The following C1QTNF3 variants were observed in gnomAD, a reference collection of about 807,000 sequenced individuals.
C1QTNF3 encodes the protein complement C1q tumor necrosis factor-related protein 3.
Under a neutral mutation model 32.6 loss-of-function variants are expected in C1QTNF3, and 26 were observed. The ratio of observed to expected loss-of-function variants is 0.80; its 90% CI spans 0.58 to 1.11. The LOEUF (loss-of-function observed/expected upper bound fraction) is 1.11, where lower values mean the gene tolerates loss of function less well. Ranked by LOEUF, C1QTNF3 falls within the 50% of genes least tolerant of loss-of-function variation. The pLI is 0.00. For missense variants in C1QTNF3, 362 were observed against 398.2 expected, an observed-to-expected ratio of 0.91 and a Z score of 0.77; for synonymous variants, 155 against 146.0, an observed-to-expected ratio of 1.06 and a Z score of -0.44.
At chr5:34,124,394 G>C in the C1QTNF3 span, 2 of 714,840 alleles carry the variant, frequency 2.8e-6, no homozygotes, top group Non-Finnish European at 5.2e-6. Context: ...GGTTCTGCAG[G>C]CTGTGTAGGA....
intron 1 of C1QTNF3, among the ~76,000 whole-genome samples, 172 bp from the exon 2 acceptor site, chr5:34,035,930 C>T (rs1754725828): frequency 6.7e-6 from 1 of 149,032 alleles, no homozygotes. Flanking sequence ...CAGGGAGTAG[C>T]TAAGGTCAGT....
the C1QTNF3 span, chr5:34,175,870 C>G: frequency 1.3e-6 from 1 of 799,420 alleles, no homozygotes; most frequent in South Asian, 1.3e-5. Context: ...TCTCCAACCA[C>G]GTATTTTCTG....
chr5:34,166,526 G>A, the C1QTNF3 span: 2 of 152,156 alleles, frequency 1.3e-5, no homozygotes, highest in Non-Finnish European at 2.9e-5. Context: ...AGGAAGTGGA[G>A]CAATATTATT....
the C1QTNF3 span, among the ~76,000 whole-genome samples, chr5:34,178,762 C>T: frequency 6.6e-6 from 1 of 152,298 alleles, no homozygotes. Context: ...AGACTGGCTG[C>T]GGCTGAGTGC....
chr5:34,167,191 C>T, the C1QTNF3 span: 3 of 152,092 alleles, frequency 2.0e-5, no homozygotes, highest in South Asian at 6.2e-4. Flanking sequence ...TTTGGCTAGT[C>T]CCAGTCTCTG....
chr5:34,045,292 C>T (rs1467603008), upstream of C1QTNF3, among the ~76,000 whole-genome samples: 2 of 152,156 alleles, frequency 1.3e-5, no homozygotes, highest in East Asian at 1.9e-4. Flanking sequence ...TGGTTCTCAA[C>T]CCTGGCTGCA....
the C1QTNF3 span, among the ~76,000 whole-genome samples, chr5:34,141,717 C>A: frequency 6.6e-6 from 1 of 152,166 alleles, no homozygotes; most frequent in East Asian, 1.9e-4. Context: ...ATGGTGGTTA[C>A]TAGGGGCATG....
the C1QTNF3 span, among the ~76,000 whole-genome samples, chr5:34,109,773 A>T: frequency 6.6e-6 from 1 of 152,286 alleles, no homozygotes; most frequent in East Asian, 1.9e-4. Flanking sequence ...CTTGTGAAAC[A>T]CTTGAGCTAT....
At chr5:34,214,366 AATC>A in the C1QTNF3 span, among the ~76,000 whole-genome samples, 51 of 151,984 alleles carry the variant, frequency 3.4e-4, no homozygotes, top group African/African-American at 1.2e-3. Flanking sequence ...AACATTACTG[AATC>A]ATCTTAAAAT....
chr5:34,146,513 C>T, the C1QTNF3 span, among the ~76,000 whole-genome samples: 1 of 152,164 alleles, frequency 6.6e-6, no homozygotes, highest in Non-Finnish European at 1.5e-5. Flanking sequence ...AATAAAGACT[C>T]ACACTTACAA....
chr5:34,032,081 T>C (rs1388124498), intron 3 of C1QTNF3, among the ~76,000 whole-genome samples: 1 of 152,272 alleles, frequency 6.6e-6, no homozygotes, highest in African/African-American at 2.4e-5. Flanking sequence ...ACTTTATTTT[T>C]ATCCACAAGT....
At chr5:34,141,046 TTAA>T in the C1QTNF3 span, among the ~76,000 whole-genome samples, 1 of 152,204 alleles carries the variant, frequency 6.6e-6, no homozygotes, top group East Asian at 1.9e-4. Flanking sequence ...GTGAGTGGAC[TTAA>T]TAACAGAAAT....
the C1QTNF3 span, among the ~76,000 whole-genome samples, chr5:34,172,440 C>A: frequency 4.7e-5 from 1 of 21,254 alleles, no homozygotes; most frequent in African/African-American, 1.0e-4. Context: ...CGGGGTTGGG[C>A]GGGGGGGGCG....
the C1QTNF3 span, among the ~76,000 whole-genome samples, chr5:34,197,462 A>G: frequency 1.3e-5 from 2 of 152,232 alleles, no homozygotes; most frequent in Non-Finnish European, 2.9e-5. Flanking sequence ...TTTACGGTCA[A>G]TCAATGGTAA....
the C1QTNF3 span, among the ~76,000 whole-genome samples, chr5:34,220,546 C>T: frequency 2.6e-5 from 4 of 151,890 alleles, no homozygotes; most frequent in African/African-American, 9.7e-5. Context: ...CACACACACA[C>T]ACGACTGCAT....
chr5:34,028,042 C>G (rs908943144), intron 4 of C1QTNF3, among the ~76,000 whole-genome samples: 3 of 152,020 alleles, frequency 2.0e-5, no homozygotes, highest in Admixed American at 2.0e-4. Context: ...GCGCGATCTC[C>G]GCTCACTGCA....
At chr5:34,134,615 A>G in the C1QTNF3 span, among the ~76,000 whole-genome samples, 1 of 152,150 alleles carries the variant, frequency 6.6e-6, no homozygotes, top group Non-Finnish European at 1.5e-5. Flanking sequence ...ACAGAAAGTG[A>G]CTTCCTTGAA....
chr5:34,102,668 A>G, the C1QTNF3 span, among the ~76,000 whole-genome samples: 1 of 152,216 alleles, frequency 6.6e-6, no homozygotes, highest in African/African-American at 2.4e-5. Context: ...AAATGCCCCA[A>G]CAAATGATGA....
the C1QTNF3 span, among the ~76,000 whole-genome samples, chr5:34,127,496 A>G: frequency 1.3e-5 from 2 of 152,120 alleles, no homozygotes; most frequent in Admixed American, 6.6e-5. Flanking sequence ...TTAAGCTTTG[A>G]ACTTGAGAGA....
Sources: gnomAD v4.1 joint callset for allele counts (sites outside exome capture counted in the v4.1 genomes callset) on GRCh38, gnomAD v4.1.1 for gene constraint, MANE v1.5 for transcripts, NCBI Gene and HGNC (gene_info 2026-07-23, HGNC 2026-07-21) for gene names.